DHX36: variants seen among roughly 807,000 people sequenced by gnomAD.
DHX36 encodes the protein ATP-dependent DNA/RNA helicase DHX36.
A neutral mutation model predicts 139.0 loss-of-function variants in DHX36; 50 were observed. That is an observed-to-expected ratio of 0.36 (90% CI 0.29 to 0.46). The LOEUF (loss-of-function observed/expected upper bound fraction) is 0.46. DHX36 is among the 20% of genes least tolerant of loss of function. The probability of loss-of-function intolerance (pLI) is 1.00; values close to 1 mark genes in which losing one functional copy is unlikely to be tolerated. For missense variants in DHX36, 1,024 were observed against 1,211.3 expected (o/e 0.85, Z 2.29); for synonymous variants, 425 against 401.9 (o/e 1.06, Z -0.69).
chr3:154,303,793 A>G (rs1043966799), intron 8 of DHX36, among the ~76,000 whole-genome samples: 1 of 152,236 alleles, frequency 6.6e-6, no homozygotes, highest in African/African-American at 2.4e-5. Context: ...GATAAGCATT[A>G]CTACTTGTAG....
At chr3:154,316,288 T>C in intron 1 of DHX36, 125 bp from the exon 2 acceptor site, 2 of 1,228,216 alleles carry the variant, frequency 1.6e-6, no homozygotes, top group Admixed American at 2.5e-5. Flanking sequence ...AAGAAAGTTA[T>C]CCACAGGTGT....
At chr3:154,283,097 C>G in intron 20 of DHX36, 91 bp downstream of exon 20, 1 of 1,014,162 alleles carries the variant, frequency 9.9e-7, no homozygotes, top group Admixed American at 1.8e-5. Flanking sequence ...ATATATTTGA[C>G]TTTTTTGCTA....
chr3:154,284,978 C>T lies in DHX36; in HGVS notation c.2041G>A (p.Asp681Asn). ...AGAGGTGTCAATTCTTCTTGTTTAT[C>T]CAAAGCGTTCTGTAAAGGAAGAGTG... ...IRHLMELNAL[D>N]KQEELTPLGV... The change falls in exon 18 of 25, where the codon GAT becomes AAT. Residue 681 changes from aspartate (D) to asparagine (N), a missense_variant. By Grantham distance (23) the Asp-to-Asn change is conservative. Transcript: ENST00000496811. The T allele has an allele frequency of 6.2e-7, 1 of 1,614,052 alleles. No individual in the cohort carries two copies. Among genetic ancestry groups the T allele is most frequent in the Non-Finnish European group, 8.5e-7 (1 of 1,179,994 alleles).
Position 154,306,230 on chromosome 3 carries a change from T to C in DHX36, c.879A>G (p.Gln293=), listed in dbSNP as rs1460142086. ...ACATTTCTTACCTCTGGAGACGAAT[T>C]TGATATCCAGTACTATTACCACTGC... The part of the protein sequence containing the change: ...SCGSGNSTGY[Q]IRLQSRLPRK... The change falls in exon 6 of 25, where the codon CAA becomes CAG. Residue 293 remains glutamine, a synonymous_variant. Coordinates refer to ENST00000496811, the MANE Select transcript of DHX36 (RefSeq NM_020865.3). The C allele has an allele frequency of 1.2e-6, 2 of 1,613,250 alleles. No individual in the cohort carries two copies. The highest frequency in any genetic ancestry group is 1.3e-5 in the African/African-American group (1 of 74,910).
chr3:154,320,659 G>T (rs1713155788), intron 1 of DHX36, among the ~76,000 whole-genome samples: 1 of 152,160 alleles, frequency 6.6e-6, no homozygotes, highest in East Asian at 1.9e-4. Flanking sequence ...GATCCTTACA[G>T]ATAGGCATAA....
At position 154,293,821 on chromosome 3, in the gene DHX36, A is replaced by T; in HGVS notation, c.1606-9T>A. ...GGGGTTCTTTTAAACACCTGTAAAAATAAATACATCAGAATCACAAAAGTA... is the reference window on the plus strand; with the variant it reads ...GGGGTTCTTTTAAACACCTGTAAAATTAAATACATCAGAATCACAAAAGTA... On this transcript the variant is annotated splice_polypyrimidine_tract_variant and intron_variant, in intron 13 of 24. Coordinates refer to ENST00000496811, the MANE Select transcript of DHX36 (RefSeq NM_020865.3). 1 of 1,603,184 alleles carries T rather than the reference A, an allele frequency of 6.2e-7. No homozygotes were observed. Among genetic ancestry groups the T allele is most frequent in the Non-Finnish European group, 8.5e-7 (1 of 1,170,902 alleles).
chr3:154,314,227 T>G (rs1401447436), intron 3 of DHX36, among the ~76,000 whole-genome samples: 1 of 152,212 alleles, frequency 6.6e-6, no homozygotes, highest in African/African-American at 2.4e-5. Context: ...GCTACACAAT[T>G]TGGCCCTGGA....
intron 13 of DHX36, among the ~76,000 whole-genome samples, chr3:154,294,824 C>T (rs1460593189): frequency 6.6e-6 from 1 of 152,146 alleles, no homozygotes; most frequent in Non-Finnish European, 1.5e-5. Context: ...ATTAGGAAAG[C>T]GCCTGTATCT....
At chr3:154,299,777 C>T in intron 12 of DHX36, 61 bp downstream of exon 12, 4 of 1,240,974 alleles carry the variant, frequency 3.2e-6, no homozygotes, top group Non-Finnish European at 4.8e-6. Context: ...GAAAAAAATA[C>T]ACATCATATA....
intron 5 of DHX36, among the ~76,000 whole-genome samples, chr3:154,307,613 TAATAG>T (rs1208044403): frequency 6.6e-6 from 1 of 151,968 alleles, no homozygotes; most frequent in African/African-American, 2.4e-5. Flanking sequence ...AGTCAAAAAA[TAATAG>T]ATCTTGGCCA....
Position 154,324,444 on chromosome 3 carries a change from A to C in DHX36, c.-28T>G. 1 of 1,451,266 alleles carries C rather than the reference A, an allele frequency of 6.9e-7. No homozygotes were observed. The highest frequency in any genetic ancestry group is 9.1e-7 in the Non-Finnish European group (1 of 1,104,230). The allele number at this position is 1,451,266 out of a possible 1,614,324, so 89.9% of individuals were successfully genotyped here. On this transcript the variant is annotated 5_prime_UTR_variant, in exon 1 of 25. Transcript: ENST00000496811. ...TCCTGGCAGACTACAACCCGTCAGA[A>C]CCAGCAACCGCTGGAAATGGCGTCC...
Position 154,277,172 on chromosome 3 carries a change from C to T in DHX36, c.2689-273G>A, listed in dbSNP as rs116363745. ...GACAAAAGCAAAACACTAATGTTGC[C>T]GAAGTTATTTTTATCCAGTTTTTTA... On this transcript the variant is annotated intron_variant, in intron 23 of 24. Transcript: ENST00000496811. Among the ~76,000 whole-genome samples the T allele has an allele frequency of 5.6e-3, 855 of 152,056 alleles. 6 individuals carry two copies. The highest frequency in any genetic ancestry group is 0.02 in the African/African-American group (831 of 41,472).
At chr3:154,302,094 AAGCCTCATGTAT>A (rs1284946376) in intron 9 of DHX36, among the ~76,000 whole-genome samples, 2 of 152,124 alleles carry the variant, frequency 1.3e-5, no homozygotes, top group African/African-American at 4.8e-5. Flanking sequence ...AAAAGTGATA[AAGCCTCATGTAT>A]AGCACAAAGA....
intron 5 of DHX36, 90 bp from the exon 6 acceptor site, chr3:154,306,385 TG>T (rs1712502986): frequency 1.8e-5 from 19 of 1,079,108 alleles, no homozygotes; most frequent in Non-Finnish European, 2.5e-5. Flanking sequence ...GTTGAAAAAT[TG>T]TTCTTCAGAT....
rs1181224968 is a variant in DHX36, at chr3:154,275,104, T to A, written c.*1067A>T. ...ACTTCATCCTCACAACTGTTACATG[T>A]ACAGTTGTCCCTCAGTATCTGTGGG... On this transcript the variant is annotated 3_prime_UTR_variant, in exon 25 of 25. Coordinates refer to ENST00000496811, the MANE Select transcript of DHX36 (RefSeq NM_020865.3). 6.6e-6 allele frequency: 1 copy of A among 152,214 alleles called. No individual in the cohort carries two copies. Among genetic ancestry groups the A allele is most frequent in the African/African-American group, 2.4e-5 (1 of 41,444 alleles). 9.4% of individuals were successfully genotyped at this position (152,214 alleles called of 1,614,324 possible). A position where few individuals can be genotyped will look rare whatever the true frequency, so the allele number is the denominator to read the frequency against.
Position 154,304,801 on chromosome 3 carries a change from C to T in DHX36, c.1135+5G>A. ...TCTAATGTAATAACTATACATTTTA[C>T]TCACCAAAATATTCTGAAAACTTTT... On this transcript the variant is annotated splice_donor_5th_base_variant and intron_variant, in intron 8 of 24. Transcript: ENST00000496811. The T allele has an allele frequency of 6.5e-7, 1 of 1,533,766 alleles. No individual in the cohort carries two copies.
chr3:154,279,090 G>C (rs980725022), intron 22 of DHX36: 2 of 152,192 alleles, frequency 1.3e-5, no homozygotes, highest in Non-Finnish European at 2.9e-5. Flanking sequence ...TAATCTAACA[G>C]CCTCAGCCAA....
At chr3:154,307,004 T>C (rs758929781) in intron 5 of DHX36, among the ~76,000 whole-genome samples, 2 of 152,160 alleles carry the variant, frequency 1.3e-5, no homozygotes, top group African/African-American at 2.4e-5. Flanking sequence ...TTCTTCCTAC[T>C]ATCAGCATAT....
At chr3:154,315,503 G>T (rs531562902) in intron 2 of DHX36, among the ~76,000 whole-genome samples, 1 of 151,926 alleles carries the variant, frequency 6.6e-6, no homozygotes, top group African/African-American at 2.4e-5. Flanking sequence ...GTTATTCCTT[G>T]TGATAGTTAA....
Sources: gnomAD v4.1 joint callset for allele counts (sites outside exome capture counted in the v4.1 genomes callset) on GRCh38, gnomAD v4.1.1 for gene constraint, MANE v1.5 for transcripts, NCBI Gene and HGNC (gene_info 2026-07-23, HGNC 2026-07-21) for gene names.